Variants in ARHGAP39 observed in about 807,000 individuals in gnomAD.
ARHGAP39 encodes Rho GTPase activating protein 39.
Under a neutral mutation model 106.9 loss-of-function variants are expected in ARHGAP39, and 44 were observed. The ratio of observed to expected loss-of-function variants is 0.41; its 90% CI spans 0.32 to 0.53. ARHGAP39 has a LOEUF of 0.53. Ranked by LOEUF, ARHGAP39 falls within the 20% of genes least tolerant of loss-of-function variation. The pLI, the probability that ARHGAP39 is intolerant of heterozygous loss-of-function variation, is 0.21. For missense variants in ARHGAP39, 1,496 were observed against 1,577.3 expected (o/e 0.95, Z 0.87); for synonymous variants, 768 against 693.2 (o/e 1.11, Z -1.69).
intron 3 of ARHGAP39, among the ~76,000 whole-genome samples, chr8:144,559,239 G>C (rs184769549): frequency 8.3e-4 from 126 of 151,250 alleles, no homozygotes; most frequent in African/African-American, 2.9e-3. Flanking sequence ...AAAACTAGCC[G>C]GAAGGGTGAC....
chr8:144,658,901 T>G (rs1821759684), intron 1 of ARHGAP39, among the ~76,000 whole-genome samples: 1 of 152,162 alleles, frequency 6.6e-6, no homozygotes, highest in Non-Finnish European at 1.5e-5. Flanking sequence ...TAACCAATAT[T>G]AGAAATAAGT....
At chr8:144,555,714 C>T (rs1817892251) in intron 3 of ARHGAP39, 71 bp from the exon 4 acceptor site, 1 of 1,364,870 alleles carries the variant, frequency 7.3e-7, no homozygotes, top group South Asian at 1.2e-5. Flanking sequence ...CACTCCCTGA[C>T]TTAAGAATGT....
At chr8:144,698,726 C>A in the ARHGAP39 span, 1 of 433,050 alleles carries the variant, frequency 2.3e-6, no homozygotes. Context: ...CTGGCACAGT[C>A]TGTACTGAGA....
chr8:144,561,703 CA>C (rs1564848692), intron 3 of ARHGAP39, among the ~76,000 whole-genome samples: 1 of 151,708 alleles, frequency 6.6e-6, no homozygotes, highest in East Asian at 1.9e-4. Flanking sequence ...TGGTTTCCAT[CA>C]CACTCCAGTG....
chr8:144,562,491 A>T (rs1818227431), intron 3 of ARHGAP39, among the ~76,000 whole-genome samples: 1 of 140,570 alleles, frequency 7.1e-6, no homozygotes, highest in African/African-American at 2.8e-5. Context: ...ATCGCACTCC[A>T]GTGGTTTCCA....
intron 6 of ARHGAP39, among the ~76,000 whole-genome samples, chr8:144,538,065 C>A (rs540384955): frequency 1.3e-5 from 2 of 152,120 alleles, no homozygotes; most frequent in Non-Finnish European, 2.9e-5. Flanking sequence ...GCAGGGAAGG[C>A]GCCAGGGGAG....
At chr8:144,564,704 G>A (rs1219759834) in intron 3 of ARHGAP39, among the ~76,000 whole-genome samples, 1 of 152,032 alleles carries the variant, frequency 6.6e-6, no homozygotes, top group Non-Finnish European at 1.5e-5. Flanking sequence ...ACTGGGGCTG[G>A]GCATGGAGAC....
chr8:144,564,245 T>C (rs2130873886), intron 3 of ARHGAP39, among the ~76,000 whole-genome samples: 1 of 152,324 alleles, frequency 6.6e-6, no homozygotes, highest in African/African-American at 2.4e-5. Flanking sequence ...TGCAATTGGT[T>C]CTGATAGTCA....
At chr8:144,659,010 G>GC (rs1375201142) in intron 1 of ARHGAP39, among the ~76,000 whole-genome samples, 1 of 152,102 alleles carries the variant, frequency 6.6e-6, no homozygotes, top group Non-Finnish European at 1.5e-5. Flanking sequence ...GGATGTGGCA[G>GC]CCCAACAGGG....
intron 1 of ARHGAP39, among the ~76,000 whole-genome samples, chr8:144,653,349 G>A (rs930144364): frequency 1.3e-5 from 2 of 152,008 alleles, no homozygotes; most frequent in Non-Finnish European, 2.9e-5. Context: ...TAGAAACTCA[G>A]GCAAAACACA....
intron 4 of ARHGAP39, among the ~76,000 whole-genome samples, chr8:144,554,920 C>T (rs1039876904): frequency 1.3e-5 from 2 of 152,204 alleles, no homozygotes; most frequent in Admixed American, 6.5e-5. Context: ...ACCACAGTGC[C>T]CCTGGGTGGC....
chr8:144,529,215 C>T lies in ARHGAP39; in HGVS notation c.*1207G>A. 3.5e-6 allele frequency: 1 copy of T among 288,544 alleles called. No homozygotes were observed. The highest frequency in any genetic ancestry group is 6.4e-6 in the Non-Finnish European group (1 of 156,418). 17.9% of individuals were successfully genotyped at this position (288,544 alleles called of 1,614,324 possible). ...TGCACTTTATTCACTCGTGTCGTCG[C>T]CTCTCGGGTCCATGCGTCGGGGCGA... On this transcript the variant is annotated 3_prime_UTR_variant, in exon 12 of 12. Coordinates refer to ENST00000377307, the MANE Select transcript of ARHGAP39 (RefSeq NM_025251.3).
At chr8:144,532,920 C>A (rs1163713557) in intron 9 of ARHGAP39, among the ~76,000 whole-genome samples, 1 of 152,236 alleles carries the variant, frequency 6.6e-6, no homozygotes, top group Non-Finnish European at 1.5e-5. Context: ...TGTGCTGCCT[C>A]TTTGGAATGG....
chr8:144,602,712 G>C (rs1221291958), intron 2 of ARHGAP39, among the ~76,000 whole-genome samples: 1 of 142,894 alleles, frequency 7.0e-6, no homozygotes, highest in African/African-American at 2.7e-5. Flanking sequence ...GTGGAGTTGT[G>C]TGCGCTCGTG....
rs1291706312 is a variant in ARHGAP39 at position 144,604,531 on chromosome 8, C to A, written c.80+1004G>T. 6.6e-6 allele frequency among the ~76,000 whole-genome samples: 1 copy of A among 151,582 alleles called. No individual in the cohort carries two copies. Among genetic ancestry groups the A allele is most frequent in the Non-Finnish European group, 1.5e-5 (1 of 68,036 alleles). ...TAGCTGAGACCATAGGCATCTGCCACCACATCTGGCTAATTTTTGTATTTT... is the reference window on the plus strand; with the variant it reads ...TAGCTGAGACCATAGGCATCTGCCAACACATCTGGCTAATTTTTGTATTTT... On this transcript the variant is annotated intron_variant, in intron 2 of 11. Transcript: ENST00000377307. The surrounding 1 kb of genome is among the most constrained non-coding windows in gnomAD (Gnocchi z 4.1).
chr8:144,676,827 C>A (rs1310292417), intron 1 of ARHGAP39, among the ~76,000 whole-genome samples: 1 of 152,278 alleles, frequency 6.6e-6, no homozygotes, highest in Admixed American at 6.5e-5. Context: ...CACAGCGCAG[C>A]AGCTGGCTGA....
At chr8:144,581,726 G>T (rs1484111847) in intron 2 of ARHGAP39, among the ~76,000 whole-genome samples, 1 of 152,194 alleles carries the variant, frequency 6.6e-6, no homozygotes, top group Non-Finnish European at 1.5e-5. Flanking sequence ...GCCCAGCTAA[G>T]TGCTGCTGGA....
rs182422656 is a variant in ARHGAP39, at chr8:144,605,030, G to A, written c.80+505C>T. Among the ~76,000 whole-genome samples the A allele has an allele frequency of 1.6e-4, 25 of 152,210 alleles. 1 individual carries two copies. In the East Asian group the frequency reaches 2.1e-3, roughly 13 times the overall value. ...TGATCCTGGCACTTTGGGAGGCCTCGGCCTCCCAAAAGGATCGCTTGAGCC... is the reference window on the plus strand; with the variant it reads ...TGATCCTGGCACTTTGGGAGGCCTCAGCCTCCCAAAAGGATCGCTTGAGCC... On this transcript the variant is annotated intron_variant, in intron 2 of 11. Coordinates refer to ENST00000377307, the MANE Select transcript of ARHGAP39 (RefSeq NM_025251.3).
At chr8:144,581,304 T>A in intron 2 of ARHGAP39, 27 bp from the exon 3 acceptor site, 1 of 1,514,564 alleles carries the variant, frequency 6.6e-7, no homozygotes, top group Non-Finnish European at 8.9e-7. Context: ...TTAAGGCGGC[T>A]GGAGCCACGG....
Sources: allele counts gnomAD v4.1 joint callset (sites outside exome capture counted in the v4.1 genomes callset), GRCh38; gene constraint gnomAD v4.1.1; non-coding constraint Gnocchi (gnomAD v3.1); transcripts MANE v1.5; gene names NCBI Gene and HGNC (gene_info 2026-07-23, HGNC 2026-07-21).